The following CREBBP variants were observed in gnomAD, a reference collection of about 807,000 sequenced individuals.
CREBBP encodes the protein CREB-binding protein.
Under a neutral mutation model 265.0 loss-of-function variants are expected in CREBBP, and 19 were observed. The observed-to-expected ratio is 0.07, with a 90% CI of 0.05 to 0.11. The LOEUF is 0.11. Among genes scored for constraint, CREBBP ranks in the 10% least tolerant of loss-of-function variants. The probability of loss-of-function intolerance (pLI) is 1.00; values close to 1 mark genes in which losing one functional copy is unlikely to be tolerated. For missense variants in CREBBP, 2,525 were observed against 3,219.0 expected (o/e 0.78, Z 5.22); for synonymous variants, 1,457 against 1,223.7 (o/e 1.19, Z -3.98).
intron 21 of CREBBP, among the ~76,000 whole-genome samples, chr16:3,746,350 G>GA (rs142322241): frequency 6.5e-4 from 97 of 148,480 alleles, no homozygotes; most frequent in South Asian, 1.7e-3. Flanking sequence ...ACAGATCTGT[G>GA]AAAAAAAAAA....
intron 2 of CREBBP, among the ~76,000 whole-genome samples, chr16:3,829,008 T>C (rs2054292023): frequency 6.6e-6 from 1 of 151,606 alleles, no homozygotes; most frequent in South Asian, 2.1e-4. Flanking sequence ...CATACCTGGA[T>C]CACACTGAAA....
chr16:3,822,280 A>C (rs2054156513), intron 2 of CREBBP, among the ~76,000 whole-genome samples: 1 of 152,176 alleles, frequency 6.6e-6, no homozygotes, highest in African/African-American at 2.4e-5. Context: ...CGCACAGTAA[A>C]GGAGGCGGCA....
intron 1 of CREBBP, among the ~76,000 whole-genome samples, chr16:3,861,997 C>A (rs1370541679): frequency 6.6e-6 from 1 of 152,128 alleles, no homozygotes; most frequent in Non-Finnish European, 1.5e-5. Context: ...CTCTCCTCCC[C>A]AGGAGAAGGA....
At position 3,769,381 on chromosome 16, in the gene CREBBP, C is replaced by T. The variant is rs527251657; in HGVS notation, c.2881-28G>A. ...GTGAAAAAACCGAAAGCACTGACTT[C>T]AGTAAGCAAGGTAACATAAATGATC... is the stretch of plus-strand genomic sequence containing the variant. On this transcript the variant is annotated intron_variant, in intron 14 of 30. Transcript: ENST00000262367. 6 of 1,613,926 alleles carry T rather than the reference C, an allele frequency of 3.7e-6. No individual in the cohort carries two copies. The East Asian group carries it at 1.3e-4, about 36-fold the overall frequency.
chr16:3,755,999 G>A (rs555689684), intron 19 of CREBBP, among the ~76,000 whole-genome samples: 1 of 151,728 alleles, frequency 6.6e-6, no homozygotes, highest in African/African-American at 2.4e-5. Context: ...ATTTTGATGG[G>A]AGTTATTACT....
At chr16:3,759,677 T>A (rs2052667825) in intron 16 of CREBBP, among the ~76,000 whole-genome samples, 1 of 152,090 alleles carries the variant, frequency 6.6e-6, no homozygotes, top group African/African-American at 2.4e-5. Flanking sequence ...TTCAGGCCAC[T>A]GGAGACAAAC....
At chr16:3,784,128 A>G (rs116056233) in intron 5 of CREBBP, among the ~76,000 whole-genome samples, 4 of 152,298 alleles carry the variant, frequency 2.6e-5, no homozygotes, top group African/African-American at 9.6e-5. Flanking sequence ...TTTTTGATAC[A>G]TAAAACACGA....
At chr16:3,827,881 G>A (rs1213780806) in intron 2 of CREBBP, among the ~76,000 whole-genome samples, 2 of 151,990 alleles carry the variant, frequency 1.3e-5, no homozygotes, top group African/African-American at 4.8e-5. Context: ...TTGTAGAGAT[G>A]GAGTCTCACT....
chr16:3,772,301 TAA>T (rs149094030), intron 13 of CREBBP, among the ~76,000 whole-genome samples: 1 of 145,690 alleles, frequency 6.9e-6, no homozygotes, highest in African/African-American at 2.5e-5. Flanking sequence ...ATTAAAAATT[TAA>T]AAAAAAAATT....
At chr16:3,856,090 G>A (rs886200414) in intron 1 of CREBBP, among the ~76,000 whole-genome samples, 21 of 151,988 alleles carry the variant, frequency 1.4e-4, no homozygotes, top group Admixed American at 1.2e-3. Flanking sequence ...CAAATAAAAG[G>A]AAAAAAGAAA....
intron 2 of CREBBP, among the ~76,000 whole-genome samples, chr16:3,845,559 G>C (rs887196861): frequency 5.9e-5 from 9 of 152,110 alleles, no homozygotes; most frequent in Non-Finnish European, 1.0e-4. Context: ...GGATCTCTGT[G>C]TCTCACTCCT....
At chr16:3,860,867 G>A (rs1044036556) in intron 1 of CREBBP, among the ~76,000 whole-genome samples, 4 of 151,892 alleles carry the variant, frequency 2.6e-5, no homozygotes, top group Admixed American at 6.6e-5. Context: ...TAGACACTAC[G>A]GACACAGGAA....
chr16:3,850,932 T>G lies in CREBBP; in HGVS notation c.163A>C (p.Asn55His). The G allele has an allele frequency of 1.2e-6, 2 of 1,614,202 alleles. No homozygotes were observed. The highest frequency in any genetic ancestry group is 1.7e-6 in the Non-Finnish European group (2 of 1,180,046). Reference protein sequence around the residue: ...IPNGGELGLLNSGNLVPDAAS... With the variant: ...IPNGGELGLLHSGNLVPDAAS... ...GCATCTGGAACAAGGTTCCCACTGT[T>G]TAAAAGGCCTAATTCTCCTCCATTG... The change falls in exon 2 of 31, where the codon AAC becomes CAC. Residue 55 changes from asparagine to histidine, a missense_variant. Physicochemically the swap from Asn to His is moderately conservative, Grantham distance 68. Transcript: ENST00000262367.
chr16:3,768,189 A>C (rs567045945), intron 15 of CREBBP, among the ~76,000 whole-genome samples: 1 of 109,432 alleles, frequency 9.1e-6, no homozygotes, highest in Admixed American at 1.5e-4. Context: ...TCTAACACCC[A>C]GGCTGGAGTG....
chr16:3,753,160 A>C (rs1428626988), intron 19 of CREBBP, among the ~76,000 whole-genome samples: 3 of 152,340 alleles, frequency 2.0e-5, no homozygotes, highest in Non-Finnish European at 2.9e-5. Context: ...CAAGTGCAGA[A>C]TGGGACGCGG....
chr16:3,849,450 T>TGTGTGTGTGTGTGTGTG (rs2054771230), intron 2 of CREBBP, among the ~76,000 whole-genome samples: 1 of 66,748 alleles, frequency 1.5e-5, no homozygotes. Flanking sequence ...TGTGTGTGTG[T>TGTGTGTGTGTGTGTGTG]GTGTGTGTGT....
rs373489776 is a variant in CREBBP at position 3,731,950 on chromosome 16, G to A, written c.4729-13C>T. The A allele has an allele frequency of 5.6e-6, 9 of 1,614,022 alleles. No homozygotes were observed. Among genetic ancestry groups the A allele is most frequent in the Admixed American group, 1.7e-5 (1 of 59,998 alleles). On this transcript the variant is annotated splice_polypyrimidine_tract_variant and intron_variant, in intron 28 of 30. Transcript: ENST00000262367. The surrounding 1 kb of genome is among the most constrained non-coding windows in gnomAD (Gnocchi z 7.7). ...CGCCCTGACTGCCCTGCAACAACAC[G>A]CAAGGCTGTGAGACCAGGCAAGTGC...
chr16:3,852,355 A>G (rs888277585), intron 1 of CREBBP, among the ~76,000 whole-genome samples: 1 of 151,148 alleles, frequency 6.6e-6, no homozygotes, highest in African/African-American at 2.4e-5. Context: ...TTTTTAGTAG[A>G]GACGGGGTTT....
At chr16:3,868,994 T>C (rs895752113) in intron 1 of CREBBP, among the ~76,000 whole-genome samples, 16 of 152,264 alleles carry the variant, frequency 1.1e-4, no homozygotes, top group African/African-American at 3.6e-4. Flanking sequence ...AGCAAAACCA[T>C]GAGGCCTCCT....
Sources: allele counts gnomAD v4.1 joint callset (sites outside exome capture counted in the v4.1 genomes callset), GRCh38; gene constraint gnomAD v4.1.1; non-coding constraint Gnocchi (gnomAD v3.1); transcripts MANE v1.5; gene names NCBI Gene and HGNC (gene_info 2026-07-23, HGNC 2026-07-21).